Variants in CDH6 observed in about 807,000 individuals in gnomAD.
CDH6 encodes cadherin 6.
Under a neutral mutation model 78.0 loss-of-function variants are expected in CDH6, and 31 were observed. The observed-to-expected ratio is 0.40, with a 90% CI of 0.30 to 0.54. CDH6 has a LOEUF of 0.54. Ranked by LOEUF, CDH6 falls within the 20% of genes least tolerant of loss-of-function variation. CDH6 has a pLI of 0.56. For missense variants in CDH6, 724 were observed against 975.9 expected (o/e 0.74, Z 3.44); for synonymous variants, 376 against 368.8 (o/e 1.02, Z -0.23).
intron 2 of CDH6, among the ~76,000 whole-genome samples, chr5:31,280,904 CAA>C (rs201793108): frequency 8.5e-5 from 10 of 117,418 alleles, no homozygotes; most frequent in Admixed American, 9.0e-5. Flanking sequence ...GGCTCCCAAG[CAA>C]AAAAAAAAAA....
chr5:31,198,324 T>A (rs945746045), intron 1 of CDH6, among the ~76,000 whole-genome samples: 1 of 152,192 alleles, frequency 6.6e-6, no homozygotes, highest in African/African-American at 2.4e-5. Flanking sequence ...CAGATCACCT[T>A]GTTATGATTT....
chr5:31,285,792 A>G (rs1742995413), intron 2 of CDH6, among the ~76,000 whole-genome samples: 1 of 152,148 alleles, frequency 6.6e-6, no homozygotes, highest in South Asian at 2.1e-4. Flanking sequence ...TGTACTTACA[A>G]TTGGTCCATT....
rs117547878 is a variant in CDH6, at chr5:31,264,545, G to A, written c.-128-2801G>A. Among the ~76,000 whole-genome samples the A allele has an allele frequency of 8.5e-5, 13 of 152,172 alleles. No individual in the cohort carries two copies. In the East Asian group the frequency reaches 2.3e-3, roughly 27 times the overall value. On this transcript the variant is annotated intron_variant, in intron 1 of 11. Transcript: ENST00000265071. The stretch of plus-strand genomic sequence containing the variant: ...TTGATCATAACCACTATGCAATCCT[G>A]CCTATTAAGAAATAGTAAATGAGAA...
At chr5:31,202,654 T>TAC (rs948737565) in intron 1 of CDH6, among the ~76,000 whole-genome samples, 4 of 121,220 alleles carry the variant, frequency 3.3e-5, no homozygotes, top group African/African-American at 8.2e-5. Context: ...TATATATATA[T>TAC]ACACACACAT....
At chr5:31,306,222 A>C (rs1737986544) in intron 7 of CDH6, among the ~76,000 whole-genome samples, 1 of 152,248 alleles carries the variant, frequency 6.6e-6, no homozygotes. Context: ...GTAGATGTAG[A>C]TAAAAACAAG....
In CDH6 at chr5:31,254,323, G is replaced by A. The variant is rs145697740; in HGVS notation, c.-128-13023G>A. ...GCTTCCTTTAAGTGAAAAGGTGAAT[G>A]TTCTCCACTTAATAAGGAAAGAAAA... On this transcript the variant is annotated intron_variant, in intron 1 of 11. Coordinates refer to ENST00000265071, the MANE Select transcript of CDH6 (RefSeq NM_004932.4). 1.9e-3 allele frequency among the ~76,000 whole-genome samples: 285 copies of A among 152,280 alleles called. 2 individuals are homozygous for A. The highest frequency in any genetic ancestry group is 6.2e-3 in the African/African-American group (258 of 41,546).
At chr5:31,268,665 T>G (rs903274270) in intron 2 of CDH6, among the ~76,000 whole-genome samples, 1 of 152,214 alleles carries the variant, frequency 6.6e-6, no homozygotes, top group Non-Finnish European at 1.5e-5. Context: ...GAAAATGCAT[T>G]CATTTGTGAT....
At chr5:31,195,579 A>G (rs1051059400) in intron 1 of CDH6, among the ~76,000 whole-genome samples, 1 of 152,196 alleles carries the variant, frequency 6.6e-6, no homozygotes, top group Non-Finnish European at 1.5e-5. Flanking sequence ...TGCATTTTAG[A>G]GAACCGTAAA....
At chr5:31,260,924 A>G (rs919382464) in intron 1 of CDH6, among the ~76,000 whole-genome samples, 5 of 152,230 alleles carry the variant, frequency 3.3e-5, no homozygotes, top group African/African-American at 1.2e-4. Context: ...AATTGGTTCT[A>G]TCCTTATGAT....
intron 1 of CDH6, among the ~76,000 whole-genome samples, chr5:31,228,259 C>T (rs1036158563): frequency 3.3e-5 from 5 of 152,118 alleles, no homozygotes; most frequent in African/African-American, 1.2e-4. Context: ...ATAATCTCCA[C>T]AGCTCAAGAT....
chr5:31,288,810 A>G (rs1350978323), intron 2 of CDH6, among the ~76,000 whole-genome samples: 1 of 152,232 alleles, frequency 6.6e-6, no homozygotes, highest in Non-Finnish European at 1.5e-5. Flanking sequence ...TTACATTTGC[A>G]CTACACCGTA....
intron 1 of CDH6, among the ~76,000 whole-genome samples, chr5:31,199,458 G>GTA (rs139260662): frequency 4.3e-5 from 1 of 23,352 alleles, no homozygotes; most frequent in East Asian, 4.2e-3. Context: ...ACACATATGT[G>GTA]TATATATACA....
Position 31,248,727 on chromosome 5 carries a change from G to GCA in CDH6, c.-128-18600_-128-18599dup, listed in dbSNP as rs746979626. Reference sequence around the variant, plus strand: ...CTGAATCCTCTCACAAGCAAAACATGCACACACACACACACACACAATTAT... The same window carrying GCA: ...CTGAATCCTCTCACAAGCAAAACATGCACACACACACACACACACACAATTAT... On this transcript the variant is annotated intron_variant, in intron 1 of 11. Transcript: ENST00000265071. Among the ~76,000 whole-genome samples the GCA allele has an allele frequency of 4.9e-3, 732 of 149,134 alleles. 8 individuals are homozygous for GCA. Among genetic ancestry groups the GCA allele is most frequent in the African/African-American group, 0.013 (530 of 40,780 alleles).
At chr5:31,248,356 A>G (rs139725428) in intron 1 of CDH6, among the ~76,000 whole-genome samples, 1 of 152,368 alleles carries the variant, frequency 6.6e-6, no homozygotes, top group East Asian at 1.9e-4. Flanking sequence ...GTGCTAAGGT[A>G]GTCCCTGATA....
intron 6 of CDH6, among the ~76,000 whole-genome samples, chr5:31,304,657 C>A (rs953761988): frequency 6.8e-6 from 1 of 147,232 alleles, no homozygotes; most frequent in Non-Finnish European, 1.5e-5. Flanking sequence ...TGCACTCCAG[C>A]CTGGCGACAG....
intron 2 of CDH6, among the ~76,000 whole-genome samples, chr5:31,270,011 A>T (rs1424693251): frequency 7.9e-5 from 12 of 152,238 alleles, no homozygotes; most frequent in African/African-American, 2.9e-4. Context: ...AAGTTATATG[A>T]TATAAACAGA....
Position 31,317,658 on chromosome 5 carries a change from G to A in CDH6, c.1631-15G>A, listed in dbSNP as rs1015754920. 6.2e-7 allele frequency: 1 copy of A among 1,603,022 alleles called. No individual in the cohort carries two copies. Among genetic ancestry groups the A allele is most frequent in the Non-Finnish European group, 8.5e-7 (1 of 1,172,474 alleles). On this transcript the variant is annotated splice_polypyrimidine_tract_variant and intron_variant, in intron 10 of 11. Coordinates refer to ENST00000265071, the MANE Select transcript of CDH6 (RefSeq NM_004932.4). ...AGTATCCACATACATTCACCACTTT[G>A]CTTTCCGGTTCCAGACAACACGGCG...
rs1738521963 is a variant in CDH6 at position 31,323,190 on chromosome 5, C to T, written c.2255C>T (p.Ser752Leu). The change falls in exon 12 of 12, where the codon TCG becomes TTG. Residue 752 changes from serine to leucine, a missense_variant. This residue lies in a region of CDH6 where 220 missense variants were observed against 240.6 expected (regional missense o/e 0.91). Coordinates refer to ENST00000265071, the MANE Select transcript of CDH6 (RefSeq NM_004932.4). ...GTGSVADSLS[S>L]LESVTTDADQ... ...GGCTCCGTGGCGGATTCCCTGAGCTCGCTGGAGTCAGTGACCACGGATGCA... is the reference window on the plus strand; with the variant it reads ...GGCTCCGTGGCGGATTCCCTGAGCTTGCTGGAGTCAGTGACCACGGATGCA... The T allele has an allele frequency of 1.2e-6, 2 of 1,614,026 alleles. No individual in the cohort carries two copies. Among genetic ancestry groups the T allele is most frequent in the Non-Finnish European group, 1.7e-6 (2 of 1,180,040 alleles).
At chr5:31,227,920 A>G (rs1418601521) in intron 1 of CDH6, among the ~76,000 whole-genome samples, 1 of 152,168 alleles carries the variant, frequency 6.6e-6, no homozygotes, top group Non-Finnish European at 1.5e-5. Context: ...CATTACCACA[A>G]AACAATACAA....
Sources: allele counts gnomAD v4.1 joint callset (sites outside exome capture counted in the v4.1 genomes callset), GRCh38; gene constraint gnomAD v4.1.1; regional missense constraint gnomAD v4.1.1; transcripts MANE v1.5; gene names NCBI Gene and HGNC (gene_info 2026-07-23, HGNC 2026-07-21).